Variants in CFAP54 observed in about 807,000 individuals in gnomAD.
The protein encoded by CFAP54 is cilia- and flagella-associated protein 54.
CFAP54 carries 290 observed loss-of-function variants against 370.4 expected under a neutral mutation model. That is an observed-to-expected ratio of 0.78 (90% confidence interval 0.71 to 0.86). The LOEUF (loss-of-function observed/expected upper bound fraction) is 0.86. Ranked by LOEUF, CFAP54 falls within the 40% of genes least tolerant of loss-of-function variation. The pLI is 0.00. For synonymous variants in CFAP54, 1,206 were observed against 1,236.5 expected (o/e 0.98, Z 0.52); for missense variants, 3,399 against 3,528.7 (o/e 0.96, Z 0.93).
chr12:96,741,379 T>C (rs906200138), intron 51 of CFAP54, among the ~76,000 whole-genome samples: 2 of 152,142 alleles, frequency 1.3e-5, no homozygotes, highest in East Asian at 3.9e-4. Flanking sequence ...GTCAGGCTGG[T>C]CTCGAACTCC....
chr12:96,631,618 TG>T (rs1956608680), intron 32 of CFAP54, among the ~76,000 whole-genome samples: 2 of 150,554 alleles, frequency 1.3e-5, no homozygotes, highest in African/African-American at 4.9e-5. Context: ...AATAGTGTAA[TG>T]CGTTACATTA....
intron 60 of CFAP54, among the ~76,000 whole-genome samples, chr12:96,784,140 A>G (rs1271642302): frequency 2.0e-5 from 3 of 152,304 alleles, no homozygotes; most frequent in Non-Finnish European, 4.4e-5. Context: ...CTCTTGGTAC[A>G]CATATATGGG....
At chr12:96,500,788 T>C (rs1281157596) in intron 1 of CFAP54, 46 bp from the exon 2 acceptor site, 5 of 1,371,300 alleles carry the variant, frequency 3.6e-6, no homozygotes, top group Non-Finnish European at 5.0e-6. Flanking sequence ...TAATTGGGGT[T>C]TCCTGCAGAC....
At chr12:96,651,943 CATT>C (rs1180772052) in intron 36 of CFAP54, 128 bp downstream of exon 36, 1 of 648,372 alleles carries the variant, frequency 1.5e-6, no homozygotes, top group Non-Finnish European at 2.6e-6. Context: ...ATTTGCTTCT[CATT>C]ATAATTTTGT....
intron 14 of CFAP54, among the ~76,000 whole-genome samples, chr12:96,542,909 G>A (rs35290901): frequency 0.26 from 39,780 of 151,972 alleles, 5,555 homozygotes; most frequent in South Asian, 0.38. Flanking sequence ...CTTTCAAGAC[G>A]TTTATCTTTT....
chr12:96,710,796 A>G (rs917062091), intron 48 of CFAP54, among the ~76,000 whole-genome samples: 5 of 152,076 alleles, frequency 3.3e-5, no homozygotes, highest in African/African-American at 1.2e-4. Context: ...GGTAACTGGG[A>G]TTACAGGTTC....
intron 8 of CFAP54, among the ~76,000 whole-genome samples, chr12:96,526,128 TAAG>T (rs1955378120): frequency 1.3e-5 from 2 of 152,162 alleles, no homozygotes; most frequent in African/African-American, 2.4e-5. Flanking sequence ...GACTTTGCCC[TAAG>T]AAGAGAAATA....
intron 49 of CFAP54, among the ~76,000 whole-genome samples, chr12:96,719,877 G>C (rs2136608040): frequency 6.6e-6 from 1 of 152,342 alleles, no homozygotes. Flanking sequence ...GTCCCTTATG[G>C]AGAAGCTATG....
At position 96,515,010 on chromosome 12, in the gene CFAP54, CTT is replaced by C. The variant is rs34667780; in HGVS notation, c.798+1981_798+1982del. ...AAATGACACTAAAATGAGTATAGTTCTTTTTTTTTTTTTTTTGAGACTGAGTG... is the reference window on the plus strand; with the variant it reads ...AAATGACACTAAAATGAGTATAGTTCTTTTTTTTTTTTTTGAGACTGAGTG... On this transcript the variant is annotated intron_variant, in intron 5 of 67. Transcript: ENST00000524981. Among the ~76,000 whole-genome samples, 1,215 of 138,328 alleles carry C rather than the reference CTT, an allele frequency of 8.8e-3. 9 individuals are homozygous for C. Among genetic ancestry groups the C allele is most frequent in the Non-Finnish European group, 0.013 (842 of 63,322 alleles). The allele number at this position is 138,328 out of a possible 152,430, so 90.7% of individuals were successfully genotyped here. A position where few individuals can be genotyped will look rare whatever the true frequency, so the allele number is the denominator to read the frequency against.
chr12:96,784,624 C>T, intron 60 of CFAP54, 93 bp from the exon 61 acceptor site: 3 of 966,942 alleles, frequency 3.1e-6, no homozygotes, highest in East Asian at 2.8e-5. Flanking sequence ...TCAGCATTTC[C>T]TTTATGAGCT....
At chr12:96,655,728 G>A (rs1956914267) in intron 36 of CFAP54, among the ~76,000 whole-genome samples, 2 of 151,850 alleles carry the variant, frequency 1.3e-5, no homozygotes, top group Non-Finnish European at 2.9e-5. Context: ...AAAAAGACAA[G>A]AGACATAACC....
chr12:96,617,244 A>G (rs1216757149), intron 26 of CFAP54, among the ~76,000 whole-genome samples: 1 of 152,224 alleles, frequency 6.6e-6, no homozygotes, highest in Non-Finnish European at 1.5e-5. Flanking sequence ...AGTGGCCTTT[A>G]TATAACAGGA....
intron 55 of CFAP54, among the ~76,000 whole-genome samples, chr12:96,752,085 T>TGAGAGACAGAGAGAGAGAGA (rs1555318323): frequency 3.1e-4 from 28 of 90,624 alleles, no homozygotes; most frequent in African/African-American, 1.0e-3. Context: ...TCTTCCTGGA[T>TGAGAGACAGAGAGAGAGAGA]GAGAGAGAGA....
intron 2 of CFAP54, among the ~76,000 whole-genome samples, chr12:96,503,074 C>G (rs1955048832): frequency 9.8e-6 from 1 of 102,284 alleles, no homozygotes; most frequent in African/African-American, 3.9e-5. Context: ...CTCTCTCTTT[C>G]TTTCTTTCTC....
chr12:96,502,846 G>GA (rs1386949305), intron 2 of CFAP54, among the ~76,000 whole-genome samples: 3 of 152,196 alleles, frequency 2.0e-5, no homozygotes, highest in Non-Finnish European at 4.4e-5. Flanking sequence ...ACATAAGCAT[G>GA]AATTTGAATG....
At chr12:96,842,146 G>A (rs1336071766) in intron 66 of CFAP54, among the ~76,000 whole-genome samples, 1 of 152,028 alleles carries the variant, frequency 6.6e-6, no homozygotes, top group African/African-American at 2.4e-5. Context: ...ATTTTAATAT[G>A]TATCTTTTTT....
At chr12:96,687,351 C>A (rs997806985) in intron 42 of CFAP54, among the ~76,000 whole-genome samples, 3 of 152,216 alleles carry the variant, frequency 2.0e-5, no homozygotes, top group Admixed American at 6.5e-5. Flanking sequence ...GCCTACCACA[C>A]ATAACACATG....
Position 96,679,750 on chromosome 12 carries a change from A to C in CFAP54, c.5714A>C (p.Gln1905Pro), listed in dbSNP as rs755009201. 1.2e-6 allele frequency: 2 copies of C among 1,611,970 alleles called. No individual in the cohort carries two copies. The highest frequency in any genetic ancestry group is 2.2e-5 in the South Asian group (2 of 90,656). Reference protein sequence around the residue: ...KLLSLFLAQTQDVLQASNQRS... With the variant: ...KLLSLFLAQTPDVLQASNQRS... ...CTTTCATTATTTCTTGCACAGACACAAGGTAAAATGCATGTTCTGTATCTC... is the reference window on the plus strand; with the variant it reads ...CTTTCATTATTTCTTGCACAGACACCAGGTAAAATGCATGTTCTGTATCTC... Residue 1905 changes from glutamine (Q) to proline (P), a missense_variant and splice_region_variant, in exon 40 of 68, where the codon CAA becomes CCA. Physicochemically the swap from Gln to Pro is moderately conservative, Grantham distance 76. Transcript: ENST00000524981.
intron 47 of CFAP54, among the ~76,000 whole-genome samples, chr12:96,707,708 G>C (rs553265433): frequency 1.1e-3 from 174 of 152,288 alleles, no homozygotes; most frequent in African/African-American, 4.0e-3. Flanking sequence ...AGGCCTAAGT[G>C]GTAATGCCAG....
Sources: gnomAD v4.1 joint callset for allele counts (sites outside exome capture counted in the v4.1 genomes callset) on GRCh38, gnomAD v4.1.1 for gene constraint, MANE v1.5 for transcripts, NCBI Gene and HGNC (gene_info 2026-07-23, HGNC 2026-07-21) for gene names.